Variants in BNC2 observed in about 807,000 individuals in gnomAD.
BNC2 encodes zinc finger protein basonuclin-2.
A neutral mutation model predicts 76.3 loss-of-function variants in BNC2; 20 were observed. That is an observed-to-expected ratio of 0.26 (90% CI 0.18 to 0.38). The LOEUF (loss-of-function observed/expected upper bound fraction) is 0.38, where lower values mean the gene tolerates loss of function less well. BNC2 is among the 10% of genes least tolerant of loss of function. BNC2 has a pLI of 1.00. For missense variants in BNC2, 1,382 were observed against 1,399.8 expected, an observed-to-expected ratio of 0.99 and a Z score of 0.20; for synonymous variants, 582 against 514.8, an observed-to-expected ratio of 1.13 and a Z score of -1.77.
chr9:16,589,515 T>TTGTA (rs1186066742), intron 3 of BNC2, among the ~76,000 whole-genome samples: 4 of 147,564 alleles, frequency 2.7e-5, no homozygotes, highest in African/African-American at 1.0e-4. Flanking sequence ...GTTTGTTTGT[T>TTGTA]TGTTTGTTTT....
intron 3 of BNC2, among the ~76,000 whole-genome samples, chr9:16,693,409 T>C (rs561645771): frequency 1.0e-3 from 155 of 152,214 alleles, no homozygotes; most frequent in African/African-American, 3.4e-3. Flanking sequence ...GGCATGCTTC[T>C]TGGCCAAAGA....
At chr9:16,506,234 G>C (rs918554182) in intron 5 of BNC2, among the ~76,000 whole-genome samples, 2 of 152,136 alleles carry the variant, frequency 1.3e-5, no homozygotes, top group African/African-American at 4.8e-5. Flanking sequence ...TTTTAGAAAA[G>C]TCACAAAAAT....
At chr9:16,669,552 A>G (rs910649796) in intron 3 of BNC2, among the ~76,000 whole-genome samples, 1 of 152,250 alleles carries the variant, frequency 6.6e-6, no homozygotes, top group Non-Finnish European at 1.5e-5. Context: ...TAACAGTTAT[A>G]AATTCTTAGT....
At chr9:16,644,760 C>A (rs1821578963) in intron 3 of BNC2, among the ~76,000 whole-genome samples, 1 of 152,190 alleles carries the variant, frequency 6.6e-6, no homozygotes. Context: ...ACAGCCAGCC[C>A]AGCAACTGTC....
intron 5 of BNC2, among the ~76,000 whole-genome samples, chr9:16,478,343 C>G (rs1468263300): frequency 6.6e-6 from 1 of 152,112 alleles, no homozygotes; most frequent in Non-Finnish European, 1.5e-5. Context: ...TTCAATTGCT[C>G]AATGCTCCTC....
Position 16,552,751 on chromosome 9 carries a change from T to G in BNC2, c.448A>C (p.Ser150Arg). 1 of 1,614,150 alleles carries G rather than the reference T, an allele frequency of 6.2e-7. No homozygotes were observed. The highest frequency in any genetic ancestry group is 1.3e-5 in the African/African-American group (1 of 75,034). The change falls in exon 5 of 7, where the codon AGC becomes CGC. Residue 150 changes from serine (S) to arginine (R), a missense_variant. This residue lies in a region of BNC2 where 557 missense variants were observed against 540.9 expected (regional missense o/e 1.03). Coordinates refer to ENST00000380672, the MANE Select transcript of BNC2 (RefSeq NM_017637.6). ...GTGGGGTGGTACAGGTGCTGCGTGCTGAGCTTATCCAAGGCTGTGGTGGTC... is the reference window on the plus strand; with the variant it reads ...GTGGGGTGGTACAGGTGCTGCGTGCGGAGCTTATCCAAGGCTGTGGTGGTC... ...GWVAHALDKL[S>R]TQHLYHPTQV...
chr9:16,713,162 C>CT (rs372420719), intron 3 of BNC2, among the ~76,000 whole-genome samples: 1 of 151,960 alleles, frequency 6.6e-6, no homozygotes, highest in Middle Eastern at 3.2e-3. Flanking sequence ...CCCAGCTACA[C>CT]TTTTTTTTAA....
intron 5 of BNC2, among the ~76,000 whole-genome samples, chr9:16,522,872 T>C (rs1430703621): frequency 1.3e-5 from 2 of 152,160 alleles, no homozygotes; most frequent in African/African-American, 4.8e-5. Flanking sequence ...CACTCTGTTT[T>C]AACCCCCAGC....
intron 3 of BNC2, among the ~76,000 whole-genome samples, chr9:16,646,661 G>A (rs1028782647): frequency 1.3e-5 from 2 of 152,084 alleles, no homozygotes; most frequent in Admixed American, 1.3e-4. Context: ...TGGTTGGGGC[G>A]ATAGTTTAAT....
chr9:16,737,438 GACGAGGTTTC>G (rs1052730067), intron 2 of BNC2, among the ~76,000 whole-genome samples: 1 of 151,156 alleles, frequency 6.6e-6, no homozygotes, highest in Non-Finnish European at 1.5e-5. Flanking sequence ...TTTTAGTAGA[GACGAGGTTTC>G]ACCATGTTAG....
chr9:16,480,638 G>A (rs1822030462), intron 5 of BNC2, among the ~76,000 whole-genome samples: 2 of 152,236 alleles, frequency 1.3e-5, no homozygotes, highest in South Asian at 2.1e-4. Context: ...GGCAATGAGG[G>A]GTTTAGCACC....
intron 5 of BNC2, among the ~76,000 whole-genome samples, chr9:16,443,485 C>T (rs1821171183): frequency 6.6e-6 from 1 of 152,054 alleles, no homozygotes; most frequent in Non-Finnish European, 1.5e-5. Flanking sequence ...TACCAAATTT[C>T]AAGCCTACCT....
chr9:16,790,970 G>C (rs2183407), intron 1 of BNC2, among the ~76,000 whole-genome samples: 14,648 of 152,008 alleles, frequency 0.096, 958 homozygotes, highest in Admixed American at 0.22. Flanking sequence ...CTATCACTGG[G>C]AGACAAGAAG....
intron 1 of BNC2, among the ~76,000 whole-genome samples, chr9:16,860,795 C>A (rs921614244): frequency 6.6e-6 from 1 of 152,178 alleles, no homozygotes; most frequent in East Asian, 1.9e-4. Context: ...GTAATCCCAG[C>A]ACTTTGGGAG....
At chr9:16,718,164 A>G (rs1824043508) in intron 3 of BNC2, among the ~76,000 whole-genome samples, 1 of 152,172 alleles carries the variant, frequency 6.6e-6, no homozygotes, top group South Asian at 2.1e-4. Context: ...TTGAACAACA[A>G]TGGTACATGA....
intron 4 of BNC2, among the ~76,000 whole-genome samples, chr9:16,566,043 C>A (rs1177851565): frequency 1.3e-5 from 2 of 152,084 alleles, no homozygotes; most frequent in Admixed American, 1.3e-4. Context: ...GTTCAAGTGT[C>A]TTTCTTCTTT....
intron 1 of BNC2, among the ~76,000 whole-genome samples, chr9:16,772,707 C>G (rs192716632): frequency 6.1e-4 from 93 of 152,272 alleles, no homozygotes; most frequent in African/African-American, 2.1e-3. Flanking sequence ...TCAAGCCCAA[C>G]AAATTGAAGG....
At chr9:16,512,349 G>A (rs966830361) in intron 5 of BNC2, among the ~76,000 whole-genome samples, 1 of 152,144 alleles carries the variant, frequency 6.6e-6, no homozygotes, top group Non-Finnish European at 1.5e-5. Flanking sequence ...AAAATATCAT[G>A]AGTCATAATA....
intron 5 of BNC2, among the ~76,000 whole-genome samples, chr9:16,485,118 AC>A (rs1822136523): frequency 6.8e-6 from 1 of 146,318 alleles, no homozygotes; most frequent in African/African-American, 2.5e-5. Context: ...ACAGACACAC[AC>A]ACACACACAC....
Sources: allele counts gnomAD v4.1 joint callset (sites outside exome capture counted in the v4.1 genomes callset), GRCh38; gene constraint gnomAD v4.1.1; regional missense constraint gnomAD v4.1.1; transcripts MANE v1.5; gene names NCBI Gene and HGNC (gene_info 2026-07-23, HGNC 2026-07-21).